Variants in TG observed in about 807,000 individuals in gnomAD.
TG encodes the protein thyroid hormones.
A neutral mutation model predicts 324.7 loss-of-function variants in TG; 270 were observed. That is an observed-to-expected ratio of 0.83 (90% CI 0.75 to 0.92). The LOEUF (loss-of-function observed/expected upper bound fraction) is 0.92. Among genes scored for constraint, TG ranks in the 40% least tolerant of loss-of-function variants. The probability of loss-of-function intolerance (pLI) is 0.00; values close to 1 mark genes in which losing one functional copy is unlikely to be tolerated. For synonymous variants in TG, 1,401 were observed against 1,327.0 expected (o/e 1.06, Z -1.21); for missense variants, 3,591 against 3,456.4 (o/e 1.04, Z -0.98).
chr8:133,007,936 A>G (rs1371243544), intron 35 of TG, among the ~76,000 whole-genome samples: 2 of 152,100 alleles, frequency 1.3e-5, no homozygotes, highest in Non-Finnish European at 2.9e-5. Flanking sequence ...ATCTTGAACC[A>G]GTTTTGTCTC....
intron 41 of TG, chr8:133,049,071 G>T: frequency 2.3e-6 from 1 of 440,174 alleles, no homozygotes. Context: ...AACTCCAGGA[G>T]GTGAAGCGAC....
intron 41 of TG, among the ~76,000 whole-genome samples, chr8:133,035,738 C>T (rs1316245317): frequency 6.6e-6 from 1 of 152,210 alleles, no homozygotes; most frequent in South Asian, 2.1e-4. Context: ...AAATGCACCA[C>T]AGGTTTTCCT....
intron 27 of TG, among the ~76,000 whole-genome samples, chr8:132,957,938 C>T (rs902596921): frequency 2.0e-5 from 3 of 152,092 alleles, no homozygotes; most frequent in African/African-American, 4.8e-5. Flanking sequence ...CCCTTGTTCC[C>T]GTCTCACCCT....
chr8:133,018,096 G>A, intron 38 of TG, 99 bp downstream of exon 38: 1 of 1,188,296 alleles, frequency 8.4e-7, no homozygotes, highest in Non-Finnish European at 1.2e-6. Flanking sequence ...GTGCATTTTG[G>A]ATAAAGCAAT....
chr8:132,901,669 C>G, intron 16 of TG, 116 bp downstream of exon 16: 1 of 1,121,972 alleles, frequency 8.9e-7, no homozygotes, highest in South Asian at 1.6e-5. Flanking sequence ...GCAGGAAGTG[C>G]AGGAGGGATG....
chr8:132,994,785 G>T (rs2130790293), intron 35 of TG: 1 of 1,288,062 alleles, frequency 7.8e-7, no homozygotes, highest in Non-Finnish European at 1.0e-6. Flanking sequence ...TATAACTGGA[G>T]TACCTGGTGT....
At chr8:133,031,425 G>A (rs949314199) in intron 41 of TG, among the ~76,000 whole-genome samples, 2 of 152,148 alleles carry the variant, frequency 1.3e-5, no homozygotes, top group African/African-American at 4.8e-5. Context: ...CTGTGAACAT[G>A]GGTGTTCAGA....
At chr8:133,032,424 A>T (rs987627973) in intron 41 of TG, among the ~76,000 whole-genome samples, 11 of 152,218 alleles carry the variant, frequency 7.2e-5, no homozygotes, top group African/African-American at 2.4e-4. Flanking sequence ...GATGCCAAAA[A>T]TACCTTCCAA....
intron 43 of TG, among the ~76,000 whole-genome samples, chr8:133,108,625 C>T (rs1487322769): frequency 6.6e-6 from 1 of 152,342 alleles, no homozygotes; most frequent in East Asian, 1.9e-4. Context: ...AGTTACCCTC[C>T]AAGCCCAGAC....
intron 43 of TG, among the ~76,000 whole-genome samples, chr8:133,104,997 A>G (rs1849674980): frequency 6.6e-6 from 1 of 152,172 alleles, no homozygotes; most frequent in Non-Finnish European, 1.5e-5. Flanking sequence ...ATGTCCCTCT[A>G]ATGAACAAAG....
intron 3 of TG, among the ~76,000 whole-genome samples, chr8:132,870,946 G>A (rs1475694061): frequency 6.6e-6 from 1 of 152,148 alleles, no homozygotes; most frequent in East Asian, 1.9e-4. Context: ...CATGAGATTT[G>A]GAGGGGACAA....
intron 1 of TG, 123 bp downstream of exon 1, chr8:132,867,190 A>T: frequency 5.7e-6 from 5 of 871,424 alleles, no homozygotes; most frequent in Non-Finnish European, 9.0e-6. Context: ...CATGTCAGTG[A>T]TTTGCTTTTT....
rs115046882 is a variant in TG, at chr8:132,910,688, C to A, written c.4003-689C>A. On this transcript the variant is annotated intron_variant, in intron 18 of 47. Transcript: ENST00000220616. ...CACCACACATGGCTGACATCTTGAT[C>A]TTGGACTTCTCAGCCTCCAGAACTT... 3.1e-3 allele frequency among the ~76,000 whole-genome samples: 476 copies of A among 152,286 alleles called. 2 individuals carry two copies. Among genetic ancestry groups the A allele is most frequent in the African/African-American group, 0.011 (466 of 41,562 alleles).
In TG at chr8:132,948,463, G is replaced by C. The variant is rs530344993; in HGVS notation, c.5234-313G>C. Among the ~76,000 whole-genome samples, 14 of 152,164 alleles carry C rather than the reference G, an allele frequency of 9.2e-5. No homozygotes were observed. The South Asian group carries it at 2.9e-3, about 32-fold the overall frequency. ...GTAGACCATGGTGACTGAGGATTCT[G>C]GCAGTGATGCCCCCAGGAAGTTGGA... is the stretch of plus-strand genomic sequence containing the variant. On this transcript the variant is annotated intron_variant, in intron 26 of 47. Transcript: ENST00000220616.
At chr8:132,945,665 G>A (rs1563987393) in intron 26 of TG, among the ~76,000 whole-genome samples, 1 of 152,142 alleles carries the variant, frequency 6.6e-6, no homozygotes, top group Non-Finnish European at 1.5e-5. Flanking sequence ...GAGATAAAGG[G>A]GGATGGAGCT....
chr8:133,090,336 CT>C (rs1189483828), intron 41 of TG, among the ~76,000 whole-genome samples: 1 of 152,228 alleles, frequency 6.6e-6, no homozygotes, highest in African/African-American at 2.4e-5. Flanking sequence ...GGTTCAGGTT[CT>C]GTGCAGCAGA....
At chr8:133,090,295 A>C (rs946955432) in intron 41 of TG, among the ~76,000 whole-genome samples, 2 of 152,238 alleles carry the variant, frequency 1.3e-5, no homozygotes, top group Non-Finnish European at 2.9e-5. Context: ...AGAAGCAGAG[A>C]GAAGCCCTGG....
At chr8:132,917,239 C>T (rs907134742) in intron 20 of TG, among the ~76,000 whole-genome samples, 30 of 152,006 alleles carry the variant, frequency 2.0e-4, no homozygotes, top group African/African-American at 7.3e-4. Flanking sequence ...TCAGCTAGAC[C>T]ATCCTGTGAA....
chr8:132,947,568 T>C (rs1825498695), intron 26 of TG, among the ~76,000 whole-genome samples: 1 of 152,084 alleles, frequency 6.6e-6, no homozygotes, highest in Admixed American at 6.5e-5. Flanking sequence ...TTGAACTAGA[T>C]CCAGATTGGA....
Sources: allele counts gnomAD v4.1 joint callset (sites outside exome capture counted in the v4.1 genomes callset), GRCh38; gene constraint gnomAD v4.1.1; transcripts MANE v1.5; gene names NCBI Gene and HGNC (gene_info 2026-07-23, HGNC 2026-07-21).